TEKT2: variants seen among roughly 807,000 people sequenced by gnomAD.
TEKT2 encodes tektin 2.
TEKT2 carries 45 observed loss-of-function variants against 49.8 expected under a neutral mutation model. The ratio of observed to expected loss-of-function variants is 0.90; its 90% confidence interval spans 0.71 to 1.16. TEKT2 has a LOEUF of 1.16. Ranked by LOEUF, TEKT2 falls within the 50% of genes most tolerant of loss-of-function variation. The probability of loss-of-function intolerance (pLI) is 0.00; values close to 1 mark genes in which losing one functional copy is unlikely to be tolerated. For missense variants in TEKT2, 523 were observed against 551.4 expected (o/e 0.95, Z 0.52); for synonymous variants, 202 against 224.6 (o/e 0.90, Z 0.90).
Position 36,084,814 on chromosome 1 carries a change from G to A in TEKT2, c.-52-56G>A, listed in dbSNP as rs1194851578. On this transcript the variant is annotated intron_variant, in intron 1 of 9. Transcript: ENST00000207457. This position sits in a 1 kb window ranked among gnomAD's most constrained non-coding sequence, Gnocchi z 4.1. ...CAGGAACAAGTCCTGCGCAGGGGGC[G>A]TGTGATCCAGGAGGTCTCCGGAAAG... 1.5e-5 allele frequency: 23 copies of A among 1,531,636 alleles called. No homozygotes were observed. Among genetic ancestry groups the A allele is most frequent in the East Asian group, 4.5e-5 (2 of 44,420 alleles). The allele number at this position is 1,531,636 out of a possible 1,614,324, so 94.9% of individuals were successfully genotyped here.
chr1:36,087,093 C>T lies in TEKT2; in HGVS notation c.747+48C>T, dbSNP rs906299127. On this transcript the variant is annotated intron_variant, in intron 6 of 9. Coordinates refer to ENST00000207457, the MANE Select transcript of TEKT2 (RefSeq NM_014466.3). This position sits in a 1 kb window ranked among gnomAD's most constrained non-coding sequence, Gnocchi z 4.9. Reference sequence around the variant, plus strand: ...TGGATGGTCCCAGTGTGCGCTCAGCCCTTATCTTCTGTTCCCTGCTGTGCA... The same window carrying T: ...TGGATGGTCCCAGTGTGCGCTCAGCTCTTATCTTCTGTTCCCTGCTGTGCA... 1 of 1,607,406 alleles carries T rather than the reference C, an allele frequency of 6.2e-7. No homozygotes were observed. The highest frequency in any genetic ancestry group is 8.5e-7 in the Non-Finnish European group (1 of 1,175,336).
rs376210229 is a variant in TEKT2 at position 36,087,085 on chromosome 1, C to T, written c.747+40C>T. On this transcript the variant is annotated intron_variant, in intron 6 of 9. Coordinates refer to ENST00000207457, the MANE Select transcript of TEKT2 (RefSeq NM_014466.3). The surrounding 1 kb of genome is among the most constrained non-coding windows in gnomAD (Gnocchi z 4.9). ...ACAGCTAATGGATGGTCCCAGTGTG[C>T]GCTCAGCCCTTATCTTCTGTTCCCT... is the stretch of plus-strand genomic sequence containing the variant. The T allele has an allele frequency of 1.1e-5, 17 of 1,606,658 alleles. No individual in the cohort carries two copies. The highest frequency in any genetic ancestry group is 9.3e-5 in the African/African-American group (7 of 74,882).
At chr1:36,085,642 G>A (rs186708974) in intron 3 of TEKT2, 194 bp from the exon 4 acceptor site, 2 of 643,000 alleles carry the variant, frequency 3.1e-6, no homozygotes, top group African/African-American at 3.7e-5. Flanking sequence ...AGCCTCCTGA[G>A]TAAAGTAGCT....
Position 36,085,061 on chromosome 1 carries a change from A to G in TEKT2, c.140A>G (p.Asn47Ser). 1 of 1,614,144 alleles carries G rather than the reference A, an allele frequency of 6.2e-7. No individual in the cohort carries two copies. Among genetic ancestry groups the G allele is most frequent in the Non-Finnish European group, 8.5e-7 (1 of 1,180,044 alleles). Reference protein sequence around the residue: ...QIRQEARVLRNETNNQTIWDE... With the variant: ...QIRQEARVLRSETNNQTIWDE... ...CGCCAGGAGGCCCGGGTGCTCCGCA[A>G]CGAGACCAACAACCAGGTTGGGGAT... The change falls in exon 2 of 10, where the codon AAC becomes AGC. Residue 47 changes from asparagine (N) to serine (S), a missense_variant. Coordinates refer to ENST00000207457, the MANE Select transcript of TEKT2 (RefSeq NM_014466.3).
Position 36,087,554 on chromosome 1 carries a change from G to C in TEKT2, c.971G>C (p.Arg324Pro). Reference protein sequence around the residue: ...SHTRLEARTYRPNVELCRDQA... With the variant: ...SHTRLEARTYPPNVELCRDQA... ...ACCCGGCTAGAGGCCAGAACCTACC[G>C]GCCCAACGTGGAACTCTGCCGGGAC... The change falls in exon 8 of 10, where the codon CGG (arginine) becomes CCG (proline). Residue 324 changes from arginine (R) to proline (P), a missense_variant. Arg to Pro is a moderately radical substitution (Grantham distance 103). Coordinates refer to ENST00000207457, the MANE Select transcript of TEKT2 (RefSeq NM_014466.3). The surrounding 1 kb of genome is among the most constrained non-coding windows in gnomAD (Gnocchi z 4.9). The C allele has an allele frequency of 6.2e-7, 1 of 1,613,804 alleles. No individual in the cohort carries two copies. The highest frequency in any genetic ancestry group is 1.1e-5 in the South Asian group (1 of 91,088).
rs1418345917 is a variant in TEKT2, at chr1:36,087,068, T to C, written c.747+23T>C. On this transcript the variant is annotated intron_variant, in intron 6 of 9. Coordinates refer to ENST00000207457, the MANE Select transcript of TEKT2 (RefSeq NM_014466.3). The surrounding 1 kb of genome is among the most constrained non-coding windows in gnomAD (Gnocchi z 4.9). ...GAGGTGACAGGCCACCCACAGCTAA[T>C]GGATGGTCCCAGTGTGCGCTCAGCC... 4 of 1,611,998 alleles carry C rather than the reference T, an allele frequency of 2.5e-6. No individual in the cohort carries two copies. Among genetic ancestry groups the C allele is most frequent in the Non-Finnish European group, 3.4e-6 (4 of 1,178,526 alleles).
chr1:36,086,270 T>A (rs1012009591), intron 4 of TEKT2, among the ~76,000 whole-genome samples: 1 of 152,052 alleles, frequency 6.6e-6, no homozygotes, highest in African/African-American at 2.4e-5. Context: ...TATCCACTGA[T>A]TGGAAGCATG....
rs145118386 is a variant in TEKT2, at chr1:36,087,169, T to C, written c.748-35T>C. 3.7e-4 allele frequency: 598 copies of C among 1,612,876 alleles called. 3 individuals are homozygous for C. The East Asian group carries it at 0.01, about 27-fold the overall frequency. On this transcript the variant is annotated intron_variant, in intron 6 of 9. Coordinates refer to ENST00000207457, the MANE Select transcript of TEKT2 (RefSeq NM_014466.3). This position sits in a 1 kb window ranked among gnomAD's most constrained non-coding sequence, Gnocchi z 4.9. ...TAATATCCTCAGGCAGCCCTGAGTG[T>C]AGACCCTCCCCTTGCCCTGTGTTTT...
chr1:36,086,333 GTA>G (rs1401008548), intron 4 of TEKT2, among the ~76,000 whole-genome samples: 1 of 152,142 alleles, frequency 6.6e-6, no homozygotes, highest in Non-Finnish European at 1.5e-5. Flanking sequence ...GAGTGTGTGT[GTA>G]TGAGCCTTTG....
rs1295798874 is a variant in TEKT2 at position 36,087,260 on chromosome 1, G to A, written c.804G>A (p.Arg268=). Residue 268 remains arginine, a synonymous_variant, in exon 7 of 10, where the codon CGG becomes CGA. Transcript: ENST00000207457. This position sits in a 1 kb window ranked among gnomAD's most constrained non-coding sequence, Gnocchi z 4.9. Reference sequence around the variant, plus strand: ...CAACGGAATTTGCCTTCAGGAAGCGGCTGCGGGAGATGGAGAAAGTGTACA... The same window carrying A: ...CAACGGAATTTGCCTTCAGGAAGCGACTGCGGGAGATGGAGAAAGTGTACA... ...RVATEFAFRK[R]LREMEKVYSE... The A allele has an allele frequency of 6.2e-7, 1 of 1,614,142 alleles. No individual in the cohort carries two copies. Among genetic ancestry groups the A allele is most frequent in the Admixed American group, 1.7e-5 (1 of 60,026 alleles).
chr1:36,087,981 T>C lies in TEKT2; in HGVS notation c.1088T>C (p.Leu363Pro), dbSNP rs771792426. Residue 363 changes from leucine (L) to proline (P), a missense_variant, in exon 10 of 10, where the codon CTG (leucine) becomes CCG (proline). Leu to Pro is a moderately conservative substitution (Grantham distance 98). Coordinates refer to ENST00000207457, the MANE Select transcript of TEKT2 (RefSeq NM_014466.3). The surrounding 1 kb of genome is among the most constrained non-coding windows in gnomAD (Gnocchi z 4.9). ...TCAATGTCCTTCCCTAGGGACGCAC[T>C]GGACGCCCTGTGCAAGCACCTGGCC... is the stretch of plus-strand genomic sequence containing the variant. ...KQKLAQAQDALDALCKHLARL... is the reference protein window; with the variant it reads ...KQKLAQAQDAPDALCKHLARL... 6.2e-7 allele frequency: 1 copy of C among 1,610,058 alleles called. No homozygotes were observed. Among genetic ancestry groups the C allele is most frequent in the South Asian group, 1.1e-5 (1 of 90,574 alleles).
chr1:36,087,860 G>A lies in TEKT2; in HGVS notation c.1079+53G>A. The A allele has an allele frequency of 6.2e-6, 10 of 1,604,904 alleles. No homozygotes were observed. The highest frequency in any genetic ancestry group is 8.5e-6 in the Non-Finnish European group (10 of 1,175,564). On this transcript the variant is annotated intron_variant, in intron 9 of 9. Coordinates refer to ENST00000207457, the MANE Select transcript of TEKT2 (RefSeq NM_014466.3). This position sits in a 1 kb window ranked among gnomAD's most constrained non-coding sequence, Gnocchi z 4.9. ...CAGTGAGACGCTGCCCACAAATGGGGCCTCTTGCTGGCTGCTGGCTCCCTG... is the reference window on the plus strand; with the variant it reads ...CAGTGAGACGCTGCCCACAAATGGGACCTCTTGCTGGCTGCTGGCTCCCTG...
rs1643337332 is a variant in TEKT2, at chr1:36,084,601, C to A, written c.-52-269C>A. The A allele has an allele frequency of 4.2e-6, 2 of 477,508 alleles. No homozygotes were observed. The highest frequency in any genetic ancestry group is 1.9e-5 in the African/African-American group (1 of 51,592). 29.6% of individuals were successfully genotyped at this position (477,508 alleles called of 1,614,324 possible). A position where few individuals can be genotyped will look rare whatever the true frequency, so the allele number is the denominator to read the frequency against. ...CCCCCCAGGCATTTGGCACTTCACA[C>A]ACACTTCGAGGCTTCCGGGACTCCA... On this transcript the variant is annotated intron_variant, in intron 1 of 9. Coordinates refer to ENST00000207457, the MANE Select transcript of TEKT2 (RefSeq NM_014466.3). This position sits in a 1 kb window ranked among gnomAD's most constrained non-coding sequence, Gnocchi z 4.1.
chr1:36,085,317 G>C, intron 3 of TEKT2, 29 bp downstream of exon 3: 1 of 1,613,106 alleles, frequency 6.2e-7, no homozygotes. Context: ...GTGCCCGGGG[G>C]CTGCTGCCGA....
At position 36,088,129 on chromosome 1, in the gene TEKT2, A is replaced by G. The variant is rs576357198; in HGVS notation, c.1236A>G (p.Thr412=). Residue 412 remains threonine, a synonymous_variant, in exon 10 of 10, where the codon ACA becomes ACG. Transcript: ENST00000207457. ...ERFVPEVDTF[T]RTTNSTLSPL... is the part of the protein sequence containing the mutation. ...TCGTGCCTGAGGTGGACACCTTCAC[A>G]CGTACCACAAATAGCACCCTGAGTC... 1.2e-5 allele frequency: 19 copies of G among 1,611,254 alleles called. No homozygotes were observed. In the East Asian group the frequency reaches 4.2e-4, roughly 36 times the overall value.
At position 36,086,051 on chromosome 1, in the gene TEKT2, A is replaced by C. The variant is rs1320400629; in HGVS notation, c.488+10A>C. On this transcript the variant is annotated intron_variant, in intron 4 of 9. Coordinates refer to ENST00000207457, the MANE Select transcript of TEKT2 (RefSeq NM_014466.3). ...CCTTCGAGCAGCTCTGGTAAGGGAG[A>C]GGCAGGTCGTCCGCATGTTCATGGG... 1.9e-6 allele frequency: 3 copies of C among 1,565,534 alleles called. No homozygotes were observed. Among genetic ancestry groups the C allele is most frequent in the Non-Finnish European group, 2.6e-6 (3 of 1,154,714 alleles).
rs1250598840 is a variant in TEKT2, at chr1:36,084,937, G to A, written c.16G>A (p.Val6Ile). The change falls in exon 2 of 10, where the codon GTC (valine) becomes ATC (isoleucine). Residue 6 changes from valine to isoleucine, a missense_variant. Coordinates refer to ENST00000207457, the MANE Select transcript of TEKT2 (RefSeq NM_014466.3). The surrounding 1 kb of genome is among the most constrained non-coding windows in gnomAD (Gnocchi z 4.1). ...TTTCTGTGCCATGGCCACGCTGAGC[G>A]TCAAGCCAAGTCGGCGCTTCCAGCT... is the stretch of plus-strand genomic sequence containing the variant. Reference protein sequence around the residue: MATLSVKPSRRFQLPD... With the variant: MATLSIKPSRRFQLPD... The A allele has an allele frequency of 5.0e-6, 8 of 1,613,894 alleles. No individual in the cohort carries two copies. Among genetic ancestry groups the A allele is most frequent in the East Asian group, 4.5e-5 (2 of 44,896 alleles).
In TEKT2 at chr1:36,087,167, T is replaced by A. The variant is rs374439114; in HGVS notation, c.748-37T>A. 1 of 1,611,988 alleles carries A rather than the reference T, an allele frequency of 6.2e-7. No homozygotes were observed. The highest frequency in any genetic ancestry group is 1.7e-5 in the Admixed American group (1 of 59,966). The stretch of plus-strand genomic sequence containing the variant: ...AGTAATATCCTCAGGCAGCCCTGAG[T>A]GTAGACCCTCCCCTTGCCCTGTGTT... On this transcript the variant is annotated intron_variant, in intron 6 of 9. Transcript: ENST00000207457. The surrounding 1 kb of genome is among the most constrained non-coding windows in gnomAD (Gnocchi z 4.9).
At position 36,084,867 on chromosome 1, in the gene TEKT2, C is replaced by T; in HGVS notation, c.-52-3C>T. The T allele has an allele frequency of 1.9e-6, 3 of 1,611,460 alleles. No individual in the cohort carries two copies. The highest frequency in any genetic ancestry group is 2.5e-6 in the Non-Finnish European group (3 of 1,179,502). Reference sequence around the variant, plus strand: ...CTCCCGCAGCAGTGTTTTCCCTCTGCAGGTGGTGTCTGTGAACAGGCCTAG... The same window carrying T: ...CTCCCGCAGCAGTGTTTTCCCTCTGTAGGTGGTGTCTGTGAACAGGCCTAG... On this transcript the variant is annotated splice_region_variant and splice_polypyrimidine_tract_variant and intron_variant, in intron 1 of 9. Coordinates refer to ENST00000207457, the MANE Select transcript of TEKT2 (RefSeq NM_014466.3). This position sits in a 1 kb window ranked among gnomAD's most constrained non-coding sequence, Gnocchi z 4.1.
Sources: allele counts gnomAD v4.1 joint callset (sites outside exome capture counted in the v4.1 genomes callset), GRCh38; gene constraint gnomAD v4.1.1; non-coding constraint Gnocchi (gnomAD v3.1); transcripts MANE v1.5; gene names NCBI Gene and HGNC (gene_info 2026-07-23, HGNC 2026-07-21).